MYOM2: variants seen among roughly 807,000 people sequenced by gnomAD.
MYOM2 encodes the protein myomesin 2.
Under a neutral mutation model 187.6 loss-of-function variants are expected in MYOM2, and 254 were observed. The ratio of observed to expected loss-of-function variants is 1.35; its 90% CI spans 1.22 to 1.50. MYOM2 has a LOEUF of 1.50. Ranked by LOEUF, MYOM2 falls within the 40% of genes most tolerant of loss-of-function variation. The pLI is 0.00. For missense variants in MYOM2, 2,796 were observed against 1,924.0 expected (o/e 1.45, Z -8.48); for synonymous variants, 981 against 753.8 (o/e 1.30, Z -4.94).
At chr8:2,087,556 G>A (rs1796136088) in intron 14 of MYOM2, among the ~76,000 whole-genome samples, 1 of 152,114 alleles carries the variant, frequency 6.6e-6, no homozygotes, top group Admixed American at 6.5e-5. Flanking sequence ...ATTTTCTCAG[G>A]CCCCTCATTC....
intron 14 of MYOM2, among the ~76,000 whole-genome samples, chr8:2,088,546 A>G (rs1240622622): frequency 6.6e-6 from 1 of 152,164 alleles, no homozygotes; most frequent in African/African-American, 2.4e-5. Context: ...TCCTGTGTCA[A>G]TTCACTTAGG....
chr8:2,110,963 T>C (rs776817733), intron 25 of MYOM2, among the ~76,000 whole-genome samples: 1 of 152,182 alleles, frequency 6.6e-6, no homozygotes, highest in Non-Finnish European at 1.5e-5. Context: ...ACATCTAGCT[T>C]CTTTTGGGCT....
chr8:2,106,142 TG>T (rs1796879976), intron 21 of MYOM2, 99 bp from the exon 22 acceptor site: 1 of 1,175,526 alleles, frequency 8.5e-7, no homozygotes, highest in Admixed American at 2.1e-5. Context: ...AGATGAGATT[TG>T]GGTGTGGACG....
chr8:2,113,654 A>G (rs1797140997), intron 25 of MYOM2, among the ~76,000 whole-genome samples: 1 of 150,968 alleles, frequency 6.6e-6, no homozygotes, highest in Non-Finnish European at 1.5e-5. Flanking sequence ...CAGTTGATCA[A>G]GAAGGCTTCT....
At chr8:2,071,130 G>A (rs1819199566) in intron 8 of MYOM2, among the ~76,000 whole-genome samples, 1 of 151,832 alleles carries the variant, frequency 6.6e-6, no homozygotes, top group South Asian at 2.1e-4. Context: ...ACCAAACCCG[G>A]CTCGTTTTTT....
chr8:2,112,078 TCCTCTTCCTTTCCCAGTGGA>T (rs1467727910), intron 25 of MYOM2, among the ~76,000 whole-genome samples: 1 of 152,142 alleles, frequency 6.6e-6, no homozygotes, highest in Admixed American at 6.5e-5. Context: ...GCTTGGGCGG[TCCTCTTCCTTTCCCAGTGGA>T]CGGCAGCACC....
At chr8:2,135,537 C>G (rs115410551) in intron 32 of MYOM2, among the ~76,000 whole-genome samples, 2,859 of 152,240 alleles carry the variant, frequency 0.019, 72 homozygotes, top group African/African-American at 0.066. Flanking sequence ...TTACCTGTCT[C>G]CTTCCTACCT....
In MYOM2 at chr8:2,079,470, G is replaced by T. The variant is rs550197931; in HGVS notation, c.1463-90G>T. 7.2e-4 allele frequency: 892 copies of T among 1,239,506 alleles called. 8 individuals carry two copies. Among genetic ancestry groups the T allele is most frequent in the Non-Finnish European group, 1.1e-4 (90 of 842,096 alleles). The allele number at this position is 1,239,506 out of a possible 1,614,324, so 76.8% of individuals were successfully genotyped here. ...TCACAGGTTGTAGTCCTAATGCAGA[G>T]GAGATGCAGAGCTGGCACAGAATGA... is the stretch of plus-strand genomic sequence containing the variant. On this transcript the variant is annotated intron_variant, in intron 12 of 36. Transcript: ENST00000262113.
intron 30 of MYOM2, 117 bp from the exon 31 acceptor site, chr8:2,124,062 T>C: frequency 1.0e-6 from 1 of 997,826 alleles, no homozygotes. Context: ...GCCATTTTAA[T>C]GATTCATTTT....
Position 2,100,647 on chromosome 8 carries a change from A to C in MYOM2, c.2441-229A>C, listed in dbSNP as rs1378203848. ...GCAGTGTGGACTTCTGAATGATTCT[A>C]CGTAGATCCACGTAGGCTGGGCCCT... On this transcript the variant is annotated intron_variant, in intron 19 of 36. Coordinates refer to ENST00000262113, the MANE Select transcript of MYOM2 (RefSeq NM_003970.4). 11 of 560,614 alleles carry C rather than the reference A, an allele frequency of 2.0e-5. No individual in the cohort carries two copies. In the East Asian group the frequency reaches 2.6e-4, roughly 13 times the overall value. 34.7% of individuals were successfully genotyped at this position (560,614 alleles called of 1,614,324 possible).
chr8:2,046,632 G>A (rs1818319231), intron 1 of MYOM2, among the ~76,000 whole-genome samples: 1 of 152,200 alleles, frequency 6.6e-6, no homozygotes, highest in Non-Finnish European at 1.5e-5. Context: ...CCCCTGAGCT[G>A]AAGGTCAGCA....
Position 2,075,831 on chromosome 8 carries a change from A to C in MYOM2, c.1121-310A>C, listed in dbSNP as rs368147116. 5.3e-5 allele frequency among the ~76,000 whole-genome samples: 8 copies of C among 152,364 alleles called. No individual in the cohort carries two copies. The East Asian group carries it at 7.7e-4, about 15-fold the overall frequency. ...ACTGTTTCATCCGCACATTTTTGCC[A>C]ACGTGCCGTTATGCACCATAGCAGG... On this transcript the variant is annotated intron_variant, in intron 10 of 36. Transcript: ENST00000262113.
At chr8:2,076,029 C>A in intron 10 of MYOM2, 112 bp from the exon 11 acceptor site, 1 of 1,000,616 alleles carries the variant, frequency 1.0e-6, no homozygotes. Flanking sequence ...GAGAATTAAA[C>A]AGTGGTCAAA....
chr8:2,096,580 G>A, intron 18 of MYOM2, 146 bp downstream of exon 18: 1 of 831,416 alleles, frequency 1.2e-6, no homozygotes, highest in Non-Finnish European at 1.9e-6. Flanking sequence ...ATGAAGTTTT[G>A]GAGCTAAAAA....
In MYOM2 at chr8:2,087,604, C is replaced by G. The variant is rs148673312; in HGVS notation, c.1644+2214C>G. 1.3e-3 allele frequency among the ~76,000 whole-genome samples: 199 copies of G among 152,242 alleles called. 1 individual carries two copies. The Middle Eastern group carries it at 0.027, about 21-fold the overall frequency. On this transcript the variant is annotated intron_variant, in intron 14 of 36. Coordinates refer to ENST00000262113, the MANE Select transcript of MYOM2 (RefSeq NM_003970.4). ...ACCAATACCAGAAACACCAAGTTTG[C>G]AAACACTTTTTTGTTTTTATTTTTG... is the stretch of plus-strand genomic sequence containing the variant.
intron 21 of MYOM2, among the ~76,000 whole-genome samples, chr8:2,105,711 C>A (rs983353148): frequency 6.6e-6 from 1 of 152,164 alleles, no homozygotes; most frequent in Admixed American, 6.5e-5. Context: ...AACAACCAAG[C>A]CCCTCCAGGT....
chr8:2,107,272 G>C (rs1170276228), intron 23 of MYOM2, among the ~76,000 whole-genome samples: 1 of 152,266 alleles, frequency 6.6e-6, no homozygotes, highest in African/African-American at 2.4e-5. Context: ...AAACGAAGGG[G>C]CAGTGGTGCA....
chr8:2,055,288 G>A (rs1459793785), intron 3 of MYOM2, among the ~76,000 whole-genome samples: 2 of 152,196 alleles, frequency 1.3e-5, no homozygotes, highest in African/African-American at 2.4e-5. Flanking sequence ...GTGCTCTGCA[G>A]GAGGAGGATG....
chr8:2,140,511 C>T (rs1445585294), intron 32 of MYOM2, among the ~76,000 whole-genome samples: 1 of 152,056 alleles, frequency 6.6e-6, no homozygotes, highest in African/African-American at 2.4e-5. Flanking sequence ...AATAATATAC[C>T]TTTAAAAATT....
Sources: allele counts gnomAD v4.1 joint callset (sites outside exome capture counted in the v4.1 genomes callset), GRCh38; gene constraint gnomAD v4.1.1; transcripts MANE v1.5; gene names NCBI Gene and HGNC (gene_info 2026-07-23, HGNC 2026-07-21).